TENM2: variants seen among roughly 807,000 people sequenced by gnomAD.
TENM2 encodes the protein teneurin-2.
In TENM2, 52 loss-of-function variants were observed where a neutral mutation model predicts 245.2. That is an observed-to-expected ratio of 0.21 (90% CI 0.17 to 0.27). The LOEUF (loss-of-function observed/expected upper bound fraction) is 0.27, where lower values mean the gene tolerates loss of function less well. TENM2 is among the 10% of genes least tolerant of loss of function. The pLI, the probability that TENM2 is intolerant of heterozygous loss-of-function variation, is 1.00. For synonymous variants in TENM2, 1,363 were observed against 1,438.9 expected (o/e 0.95, Z 1.19); for missense variants, 3,046 against 3,666.8 (o/e 0.83, Z 4.37).
At chr5:167,785,768 G>A (rs1490990377) in intron 2 of TENM2, among the ~76,000 whole-genome samples, 1 of 152,192 alleles carries the variant, frequency 6.6e-6, no homozygotes, top group Non-Finnish European at 1.5e-5. Flanking sequence ...GAGCAGTGGT[G>A]CTGACATTTC....
chr5:168,052,242 T>C (rs1789156581), intron 6 of TENM2, among the ~76,000 whole-genome samples: 1 of 151,148 alleles, frequency 6.6e-6, no homozygotes, highest in African/African-American at 2.4e-5. Flanking sequence ...AAAAAAAAAG[T>C]TAGCCAGGCG....
At chr5:167,931,062 G>T (rs1049880426) in intron 3 of TENM2, among the ~76,000 whole-genome samples, 2 of 152,074 alleles carry the variant, frequency 1.3e-5, no homozygotes, top group African/African-American at 4.8e-5. Flanking sequence ...TATAAGCTCT[G>T]GAAATAAGAT....
chr5:168,140,411 G>A (rs966515254), intron 12 of TENM2, among the ~76,000 whole-genome samples: 2 of 152,270 alleles, frequency 1.3e-5, no homozygotes, highest in Middle Eastern at 3.4e-3. Context: ...TGCCTCCCCT[G>A]CCACCCTTTT....
chr5:168,143,322 T>C (rs1439496142), intron 12 of TENM2, among the ~76,000 whole-genome samples: 1 of 152,028 alleles, frequency 6.6e-6, no homozygotes, highest in Non-Finnish European at 1.5e-5. Flanking sequence ...AATATTATAC[T>C]CTCAAACAAT....
At chr5:168,233,986 A>AGAT (rs1447920586) in intron 25 of TENM2, among the ~76,000 whole-genome samples, 1 of 152,156 alleles carries the variant, frequency 6.6e-6, no homozygotes, top group African/African-American at 2.4e-5. Flanking sequence ...GAATTCTAGG[A>AGAT]GATACAATTC....
At chr5:168,149,000 A>G (rs1247735156) in intron 12 of TENM2, among the ~76,000 whole-genome samples, 1 of 152,190 alleles carries the variant, frequency 6.6e-6, no homozygotes, top group Non-Finnish European at 1.5e-5. Flanking sequence ...GTTAAAGAGA[A>G]CGCAAAGGAA....
At chr5:167,398,397 T>A (rs1377670927) in intron 2 of TENM2, among the ~76,000 whole-genome samples, 1 of 145,604 alleles carries the variant, frequency 6.9e-6, no homozygotes, top group African/African-American at 2.6e-5. Flanking sequence ...TTTCTTTCTT[T>A]CTTTCTTTCT....
At chr5:167,166,325 A>G in the TENM2 span, among the ~76,000 whole-genome samples, 6 of 152,290 alleles carry the variant, frequency 3.9e-5, no homozygotes, top group South Asian at 6.2e-4. Flanking sequence ...GCTGAGAGTC[A>G]ATGCCTACAT....
Position 167,935,029 on chromosome 5 carries a change from G to A in TENM2, c.713-17559G>A, listed in dbSNP as rs115495734. The A allele has an allele frequency of 4.1e-3, 2,259 of 544,344 alleles. 44 individuals carry two copies. The African/African-American group carries it at 0.043, about 10-fold the overall frequency. 33.7% of individuals were successfully genotyped at this position (544,344 alleles called of 1,614,324 possible). ...TAGTTGTGCCCTCATGAGTGCGAGCGGGAAAGGTCAGAACACCTCAGGGGA... is the reference window on the plus strand; with the variant it reads ...TAGTTGTGCCCTCATGAGTGCGAGCAGGAAAGGTCAGAACACCTCAGGGGA... On this transcript the variant is annotated intron_variant, in intron 3 of 28. Coordinates refer to ENST00000518659, the Ensembl canonical transcript of TENM2.
chr5:167,841,098 C>T (rs1335063484), intron 2 of TENM2, among the ~76,000 whole-genome samples: 1 of 150,366 alleles, frequency 6.7e-6, no homozygotes, highest in Non-Finnish European at 1.5e-5. Flanking sequence ...GCTCTGTCAA[C>T]CCGGATGGAG....
In TENM2 at chr5:167,456,621, T is replaced by C. The variant is rs149583184; in HGVS notation, c.502+81148T>C. 1.5e-3 allele frequency among the ~76,000 whole-genome samples: 235 copies of C among 152,316 alleles called. 1 individual carries two copies. Among genetic ancestry groups the C allele is most frequent in the African/African-American group, 5.3e-3 (219 of 41,578 alleles). On this transcript the variant is annotated intron_variant, in intron 2 of 28. Coordinates refer to ENST00000518659, the Ensembl canonical transcript of TENM2. ...TTCAAAGAATTTATCCACTAGGATATTAATTTCCATTTCAGAGTATTTCTT... is the reference window on the plus strand; with the variant it reads ...TTCAAAGAATTTATCCACTAGGATACTAATTTCCATTTCAGAGTATTTCTT...
chr5:167,196,367 A>G, the TENM2 span, among the ~76,000 whole-genome samples: 187 of 151,870 alleles, frequency 1.2e-3, 1 homozygote, highest in African/African-American at 4.4e-3. Flanking sequence ...ACCTTCTATC[A>G]TATCATCTAT....
chr5:167,068,466 A>G, the TENM2 span, among the ~76,000 whole-genome samples: 1 of 152,238 alleles, frequency 6.6e-6, no homozygotes, highest in Non-Finnish European at 1.5e-5. Flanking sequence ...TTGTATTAAT[A>G]TATTTTATTT....
intron 2 of TENM2, among the ~76,000 whole-genome samples, chr5:167,717,763 C>A (rs1759365110): frequency 6.6e-6 from 1 of 152,258 alleles, no homozygotes; most frequent in Non-Finnish European, 1.5e-5. Flanking sequence ...GTTTTTGAAT[C>A]TGCAAAGCGG....
At chr5:167,655,304 A>G (rs996955507) in intron 2 of TENM2, among the ~76,000 whole-genome samples, 13 of 152,166 alleles carry the variant, frequency 8.5e-5, no homozygotes, top group Non-Finnish European at 1.9e-4. Context: ...TACACCAACA[A>G]TTTTTCCATA....
Position 167,438,815 on chromosome 5 carries a change from C to T in TENM2, c.502+63342C>T, listed in dbSNP as rs368734268. Reference sequence around the variant, plus strand: ...TTGTTTGATAGTTTGCTTTTTGAGACGGACCTTCGCTCTTGTCACCCAGAC... The same window carrying T: ...TTGTTTGATAGTTTGCTTTTTGAGATGGACCTTCGCTCTTGTCACCCAGAC... On this transcript the variant is annotated intron_variant, in intron 2 of 28. Coordinates refer to ENST00000518659, the Ensembl canonical transcript of TENM2. Among the ~76,000 whole-genome samples the T allele has an allele frequency of 5.3e-5, 8 of 151,596 alleles. No homozygotes were observed. In the East Asian group the frequency reaches 5.9e-4, roughly 11 times the overall value.
At chr5:167,126,236 T>C in the TENM2 span, among the ~76,000 whole-genome samples, 4 of 152,066 alleles carry the variant, frequency 2.6e-5, no homozygotes, top group Non-Finnish European at 4.4e-5. Flanking sequence ...GAGCGTGGGC[T>C]TAGGGAGGGG....
chr5:168,136,693 T>G (rs538068716), intron 12 of TENM2, among the ~76,000 whole-genome samples: 1 of 152,314 alleles, frequency 6.6e-6, no homozygotes, highest in African/African-American at 2.4e-5. Context: ...CACAGAGTCC[T>G]TTTTGTATCC....
At chr5:167,911,717 G>A (rs1324835030) in intron 3 of TENM2, among the ~76,000 whole-genome samples, 2 of 152,122 alleles carry the variant, frequency 1.3e-5, no homozygotes, top group African/African-American at 4.8e-5. Context: ...CATTCACGCA[G>A]CGAATATTTA....
Sources: gnomAD v4.1 joint callset for allele counts (sites outside exome capture counted in the v4.1 genomes callset) on GRCh38, gnomAD v4.1.1 for gene constraint, MANE v1.5 for transcripts, NCBI Gene and HGNC (gene_info 2026-07-23, HGNC 2026-07-21) for gene names.